Variants in KALRN observed in about 807,000 individuals in gnomAD.
KALRN encodes the protein kalirin.
Under a neutral mutation model 353.7 loss-of-function variants are expected in KALRN, and 70 were observed. The observed-to-expected ratio is 0.20, with a 90% CI of 0.16 to 0.24. The LOEUF is 0.24. KALRN is among the 10% of genes least tolerant of loss of function. KALRN has a pLI of 1.00. For missense variants in KALRN, 2,791 were observed against 3,756.7 expected, an observed-to-expected ratio of 0.74 and a Z score of 6.72; for synonymous variants, 1,391 against 1,434.8, an observed-to-expected ratio of 0.97 and a Z score of 0.69.
Position 124,333,847 on chromosome 3 carries a change from C to T in KALRN, c.1417-418C>T, listed in dbSNP as rs551922587. Reference sequence around the variant, plus strand: ...AGGTTGCAGTGAGCCGAGATCGCACCATTGATTGCACTCCAGCCTGGGGAC... The same window carrying T: ...AGGTTGCAGTGAGCCGAGATCGCACTATTGATTGCACTCCAGCCTGGGGAC... On this transcript the variant is annotated intron_variant, in intron 8 of 59. Transcript: ENST00000682506. Among the ~76,000 whole-genome samples, 3 of 152,312 alleles carry T rather than the reference C, an allele frequency of 2.0e-5. No individual in the cohort carries two copies. In the East Asian group the frequency reaches 5.8e-4, roughly 29 times the overall value.
rs987476258 is a variant in KALRN at position 124,660,947 on chromosome 3, G to A, written c.6241G>A (p.Ala2081Thr). 4 of 1,610,940 alleles carry A rather than the reference G, an allele frequency of 2.5e-6. No individual in the cohort carries two copies. Among genetic ancestry groups the A allele is most frequent in the Non-Finnish European group, 3.4e-6 (4 of 1,177,364 alleles). Residue 2081 changes from alanine to threonine, a missense_variant, in exon 44 of 60, where the codon GCT (alanine) becomes ACT (threonine). Ala to Thr is a moderately conservative substitution (Grantham distance 58). Around this residue, in one of 11 missense-constraint regions of KALRN, gnomAD observed 1,065 missense variants for 1,156.4 expected, o/e 0.92. Transcript: ENST00000682506. The part of the protein sequence containing the change: ...LKDFLRYSEK[A>T]GLECSDIEKA... Reference sequence around the variant, plus strand: ...GGACTTCCTGAGATACAGTGAGAAGGCTGGTTTGGAGTGTTCAGATATTGA... The same window carrying A: ...GGACTTCCTGAGATACAGTGAGAAGACTGGTTTGGAGTGTTCAGATATTGA...
chr3:124,178,578 A>G (rs2073114517), intron 1 of KALRN, among the ~76,000 whole-genome samples: 1 of 152,218 alleles, frequency 6.6e-6, no homozygotes, highest in East Asian at 1.9e-4. Context: ...ATCGTAACAC[A>G]ATGATAAATA....
intron 19 of KALRN, 64 bp downstream of exon 19, chr3:124,442,123 T>C (rs529686116): frequency 7.6e-6 from 7 of 916,378 alleles, no homozygotes; most frequent in African/African-American, 1.7e-5. Flanking sequence ...AAATATACCA[T>C]GTACCCAGTT....
intron 1 of KALRN, among the ~76,000 whole-genome samples, chr3:124,041,460 T>C (rs1033753357): frequency 1.3e-5 from 2 of 152,238 alleles, no homozygotes; most frequent in Non-Finnish European, 2.9e-5. Flanking sequence ...TAATCTGATT[T>C]CCATGGGACC....
At position 124,696,268 on chromosome 3, in the gene KALRN, T is replaced by A; in HGVS notation, c.7699+13T>A. The A allele has an allele frequency of 6.2e-7, 1 of 1,612,738 alleles. No individual in the cohort carries two copies. Among genetic ancestry groups the A allele is most frequent in the South Asian group, 1.1e-5 (1 of 90,990 alleles). ...GTCAAAGTGCAAGGTACAGCCTCTT[T>A]GTTAGTCAAACCTTTTGAAATATAT... On this transcript the variant is annotated intron_variant, in intron 54 of 59. Coordinates refer to ENST00000682506, the MANE Select transcript of KALRN (RefSeq NM_001388419.1).
chr3:124,657,827 C>T lies in KALRN; in HGVS notation c.6036+24C>T, dbSNP rs371460590. ...ACGTGAGTGTCTCCCATCACCTCCT[C>T]CCCAACTCCTTCACTAGGCTCATTT... On this transcript the variant is annotated intron_variant, in intron 41 of 59. Coordinates refer to ENST00000682506, the MANE Select transcript of KALRN (RefSeq NM_001388419.1). 183 of 1,496,084 alleles carry T rather than the reference C, an allele frequency of 1.2e-4. No individual in the cohort carries two copies. In the African/African-American group the frequency reaches 2.2e-3, roughly 18 times the overall value. The allele number at this position is 1,496,084 out of a possible 1,614,324, so 92.7% of individuals were successfully genotyped here.
At chr3:124,682,761 T>A (rs1177892492) in intron 51 of KALRN, among the ~76,000 whole-genome samples, 6 of 152,170 alleles carry the variant, frequency 3.9e-5, no homozygotes, top group African/African-American at 1.4e-4. Flanking sequence ...GCACCTTGAA[T>A]CCTAGGAGTC....
At chr3:124,517,096 G>A (rs911125716) in intron 33 of KALRN, among the ~76,000 whole-genome samples, 8 of 152,170 alleles carry the variant, frequency 5.3e-5, no homozygotes, top group South Asian at 2.1e-4. Flanking sequence ...GATTACAGGC[G>A]TGAGCCACCA....
chr3:124,713,043 G>A lies in KALRN; in HGVS notation c.8184G>A (p.Glu2728=). Residue 2728 remains glutamate (E), a synonymous_variant, in exon 58 of 60, where the codon GAG becomes GAA. Coordinates refer to ENST00000682506, the MANE Select transcript of KALRN (RefSeq NM_001388419.1). ...KMKKKEQAAH[E]AALLQHLQHP... ...AGAAGAAAGAACAGGCTGCCCACGA[G>A]GCTGCCCTGCTTCAGCACCTACAGC... The A allele has an allele frequency of 6.2e-7, 1 of 1,614,138 alleles. No individual in the cohort carries two copies. Among genetic ancestry groups the A allele is most frequent in the South Asian group, 1.1e-5 (1 of 91,076 alleles).
At chr3:124,296,593 AC>A (rs1373862391) in intron 5 of KALRN, among the ~76,000 whole-genome samples, 2 of 151,846 alleles carry the variant, frequency 1.3e-5, no homozygotes, top group Non-Finnish European at 2.9e-5. Context: ...ACACTTCACT[AC>A]CCAGCTTAAA....
intron 3 of KALRN, among the ~76,000 whole-genome samples, chr3:124,237,526 C>G (rs752503188): frequency 2.0e-5 from 3 of 152,066 alleles, no homozygotes; most frequent in Non-Finnish European, 2.9e-5. Context: ...CCACAACTGG[C>G]TAATTTTTGT....
At chr3:124,517,141 T>C (rs2066696900) in intron 33 of KALRN, among the ~76,000 whole-genome samples, 1 of 152,194 alleles carries the variant, frequency 6.6e-6, no homozygotes, top group Non-Finnish European at 1.5e-5. Flanking sequence ...TAAGCCACTT[T>C]TGCCCTGTAA....
intron 22 of KALRN, 34 bp from the exon 23 acceptor site, chr3:124,456,576 C>A: frequency 6.6e-7 from 1 of 1,513,488 alleles, no homozygotes; most frequent in Admixed American, 1.7e-5. Flanking sequence ...CCCAAAGCAT[C>A]ACAAGGTGAC....
chr3:124,677,692 T>C, intron 49 of KALRN: 1 of 438,560 alleles, frequency 2.3e-6, no homozygotes, highest in South Asian at 1.7e-5. Context: ...GGAGTGGCCC[T>C]GCCCAAATAC....
At chr3:124,591,500 T>C (rs1259838466) in intron 34 of KALRN, among the ~76,000 whole-genome samples, 1 of 152,232 alleles carries the variant, frequency 6.6e-6, no homozygotes, top group Non-Finnish European at 1.5e-5. Flanking sequence ...TTGCTTTTTG[T>C]GTAACACAGT....
chr3:124,225,589 CCTT>C (rs1336777386), intron 1 of KALRN, among the ~76,000 whole-genome samples: 4 of 152,172 alleles, frequency 2.6e-5, no homozygotes, highest in Non-Finnish European at 5.9e-5. Flanking sequence ...AAGCTGCACA[CCTT>C]CTCTCAGGTC....
chr3:124,268,390 T>G (rs1177379879), intron 4 of KALRN, among the ~76,000 whole-genome samples: 4 of 152,180 alleles, frequency 2.6e-5, no homozygotes, highest in Non-Finnish European at 5.9e-5. Context: ...CCCCAGAAAC[T>G]AGGTCAGTTT....
At chr3:124,270,819 G>GTTTTTTTTTTTTTTT (rs1553885259) in intron 5 of KALRN, among the ~76,000 whole-genome samples, 1 of 68,024 alleles carries the variant, frequency 1.5e-5, no homozygotes, top group African/African-American at 5.2e-5. Flanking sequence ...TTATTTTTTT[G>GTTTTTTTTTTTTTTT]TTTTGTTTTT....
intron 34 of KALRN, among the ~76,000 whole-genome samples, chr3:124,627,900 A>G (rs974415637): frequency 6.6e-6 from 1 of 152,218 alleles, no homozygotes; most frequent in Non-Finnish European, 1.5e-5. Flanking sequence ...CCCTGAGTAT[A>G]GCAACGCTGT....
Sources: gnomAD v4.1 joint callset for allele counts (sites outside exome capture counted in the v4.1 genomes callset) on GRCh38, gnomAD v4.1.1 for gene constraint, gnomAD v4.1.1 regional missense constraint, MANE v1.5 for transcripts, NCBI Gene and HGNC (gene_info 2026-07-23, HGNC 2026-07-21) for gene names.